ANKRD36C: variants seen among roughly 807,000 people sequenced by gnomAD.
ANKRD36C encodes ankyrin repeat domain 36C.
A neutral mutation model predicts 276.4 loss-of-function variants in ANKRD36C; 61 were observed. The ratio of observed to expected loss-of-function variants is 0.22; its 90% CI spans 0.18 to 0.27. The LOEUF is 0.27. Among genes scored for constraint, ANKRD36C ranks in the 10% least tolerant of loss-of-function variants. The pLI is 1.00. For synonymous variants in ANKRD36C, 483 were observed against 680.1 expected (o/e 0.71, Z 4.51); for missense variants, 1,447 against 2,032.3 (o/e 0.71, Z 5.54).
chr2:95,878,114 G>A (rs1330722475), intron 58 of ANKRD36C, among the ~76,000 whole-genome samples: 1 of 149,066 alleles, frequency 6.7e-6, no homozygotes, highest in Admixed American at 6.7e-5. Flanking sequence ...AACCCGGGAG[G>A]TGGAGGTTGC....
intron 66 of ANKRD36C, 51 bp from the exon 87 acceptor site, chr2:95,851,246 T>C: frequency 7.9e-7 from 1 of 1,272,134 alleles, no homozygotes; most frequent in Non-Finnish European, 1.1e-6. Flanking sequence ...CAAGAGACAT[T>C]ATCATGTAAA....
intron 59 of ANKRD36C, among the ~76,000 whole-genome samples, chr2:95,873,321 G>A (rs1256248410): frequency 6.6e-6 from 1 of 152,140 alleles, no homozygotes; most frequent in Non-Finnish European, 1.5e-5. Context: ...TATCCACCAT[G>A]ATCAAGTGGG....
chr2:95,960,586 T>C, intron 9 of ANKRD36C, 41 bp from the exon 10 acceptor site: 1 of 1,331,990 alleles, frequency 7.5e-7, no homozygotes, highest in South Asian at 1.3e-5. Context: ...ACCTAAAGTA[T>C]ATTTCATAGA....
rs538442555 is a variant in ANKRD36C, at chr2:95,986,666, A to G, written c.486+85T>C. On this transcript the variant is annotated intron_variant, in intron 3 of 66. Transcript: ENST00000456556. ...CATTCAAGGAATGTTTGAGCTTCCA[A>G]ATATGAAAAATTGACCCTTACATGT... 7.5e-5 allele frequency: 88 copies of G among 1,176,930 alleles called. No homozygotes were observed. In the African/African-American group the frequency reaches 1.0e-3, roughly 14 times the overall value. 72.9% of individuals were successfully genotyped at this position (1,176,930 alleles called of 1,614,324 possible).
chr2:95,975,447 A>C (rs1678790133), intron 6 of ANKRD36C, among the ~76,000 whole-genome samples: 1 of 152,248 alleles, frequency 6.6e-6, no homozygotes, highest in Non-Finnish European at 1.5e-5. Flanking sequence ...CCAATGGAAC[A>C]GAACAGAGCC....
chr2:95,967,304 G>T (rs1201751978), intron 6 of ANKRD36C, among the ~76,000 whole-genome samples: 2 of 152,030 alleles, frequency 1.3e-5, no homozygotes, highest in Admixed American at 6.6e-5. Context: ...TACAAGAAAT[G>T]ATCTCATCAA....
At chr2:95,853,790 C>G (rs1165411282) in exon 64 of ANKRD36C, 13 of 1,606,422 alleles carry the variant, frequency 8.1e-6, no homozygotes, top group Non-Finnish European at 1.1e-5. Context: ...ATGAAGCATC[C>G]AGCAAAGCTT....
At chr2:95,922,486 T>C (rs1317593488) in intron 32 of ANKRD36C, among the ~76,000 whole-genome samples, 9 of 151,730 alleles carry the variant, frequency 5.9e-5, no homozygotes, top group Non-Finnish European at 1.0e-4. Context: ...AAGTATGATA[T>C]ATAAACCTCA....
At chr2:95,854,579 AT>A (rs1675365752) in intron 63 of ANKRD36C, among the ~76,000 whole-genome samples, 1 of 152,142 alleles carries the variant, frequency 6.6e-6, no homozygotes, top group Non-Finnish European at 1.5e-5. Context: ...CAAATTTTTT[AT>A]TTAAAAACTG....
At chr2:95,887,767 G>C (rs951819436) in intron 50 of ANKRD36C, among the ~76,000 whole-genome samples, 158 bp downstream of exon 70, 1 of 151,676 alleles carries the variant, frequency 6.6e-6, no homozygotes, top group Non-Finnish European at 1.5e-5. Context: ...AAGACCAGCA[G>C]CATCAGCGTC....
intron 61 of ANKRD36C, among the ~76,000 whole-genome samples, chr2:95,858,734 A>G (rs573144337): frequency 4.6e-5 from 7 of 152,308 alleles, no homozygotes; most frequent in African/African-American, 1.7e-4. Context: ...TCAGCAGATT[A>G]CTGTAATCCA....
intron 42 of ANKRD36C, among the ~76,000 whole-genome samples, chr2:95,911,739 CA>C (rs71384902): frequency 2.0e-5 from 3 of 151,514 alleles, no homozygotes; most frequent in South Asian, 2.1e-4. Flanking sequence ...GCAGTAACCC[CA>C]AAATTATATA....
intron 59 of ANKRD36C, among the ~76,000 whole-genome samples, chr2:95,870,101 AAGACAGC>A (rs1675771757): frequency 6.6e-6 from 1 of 152,220 alleles, no homozygotes; most frequent in Non-Finnish European, 1.5e-5. Flanking sequence ...GAGAAACAAA[AAGACAGC>A]AGTAACCTCT....
chr2:95,916,494 T>C (rs932424825), intron 36 of ANKRD36C, among the ~76,000 whole-genome samples: 5 of 151,670 alleles, frequency 3.3e-5, no homozygotes, highest in African/African-American at 4.8e-5. Context: ...GAGCAACTCA[T>C]ACACGTGAGA....
chr2:95,922,947 C>G (rs1258645089), intron 32 of ANKRD36C, among the ~76,000 whole-genome samples: 1 of 151,624 alleles, frequency 6.6e-6, no homozygotes, highest in African/African-American at 2.4e-5. Flanking sequence ...CTAAATGCAT[C>G]TGAAGTGAGT....
At chr2:95,902,343 T>C (rs1225329327) in intron 42 of ANKRD36C, among the ~76,000 whole-genome samples, 2 of 149,554 alleles carry the variant, frequency 1.3e-5, no homozygotes, top group Admixed American at 6.7e-5. Context: ...CAAATGCATC[T>C]GAAGTGAGTT....
chr2:95,851,744 G>A lies in ANKRD36C; in HGVS notation c.5263C>T (p.Gln1755Ter). ...TCAAACCGCTCAATTTGTTCATCCT[G>A]TTTTTTAATAATTTTTCTCATCATG... The change falls in exon 66 of 67, where the codon CAG (glutamine) becomes TAG (stop). Residue 1755 changes from glutamine to a stop codon, truncating the protein, a stop_gained. Transcript: ENST00000456556. LOFTEE classifies it low-confidence loss of function (END_TRUNC). 2.6e-6 allele frequency: 4 copies of A among 1,534,816 alleles called. No individual in the cohort carries two copies. The highest frequency in any genetic ancestry group is 1.2e-5 in the South Asian group (1 of 83,494).
At chr2:95,882,406 C>T (rs900929517) in intron 55 of ANKRD36C, 32 bp from the exon 76 acceptor site, 3 of 1,546,734 alleles carry the variant, frequency 1.9e-6, no homozygotes, top group East Asian at 4.9e-5. Flanking sequence ...ATAGTCAATA[C>T]ATAATATATA....
chr2:95,927,685 T>G (rs1327215598), intron 26 of ANKRD36C, among the ~76,000 whole-genome samples: 1 of 151,644 alleles, frequency 6.6e-6, no homozygotes, highest in Admixed American at 6.6e-5. Flanking sequence ...AATGTGGATA[T>G]GCCGAGTGAT....
Sources: gnomAD v4.1 joint callset for allele counts (sites outside exome capture counted in the v4.1 genomes callset) on GRCh38, gnomAD v4.1.1 for gene constraint, MANE v1.5 for transcripts, NCBI Gene and HGNC (gene_info 2026-07-23, HGNC 2026-07-21) for gene names.